MYO9A: variants seen among roughly 807,000 people sequenced by gnomAD.
MYO9A encodes myosin IXA.
A neutral mutation model predicts 293.3 loss-of-function variants in MYO9A; 103 were observed. That is an observed-to-expected ratio of 0.35 (90% CI 0.30 to 0.41). The LOEUF is 0.41. Among genes scored for constraint, MYO9A ranks in the 10% least tolerant of loss-of-function variants. MYO9A has a pLI of 1.00. For synonymous variants in MYO9A, 1,001 were observed against 1,035.7 expected (o/e 0.97, Z 0.64); for missense variants, 2,685 against 3,033.0 (o/e 0.89, Z 2.69).
chr15:71,839,620 G>A (rs371118358), intron 39 of MYO9A, among the ~76,000 whole-genome samples: 227 of 152,104 alleles, frequency 1.5e-3, no homozygotes, highest in African/African-American at 4.8e-3. Context: ...TTGTTGCCAC[G>A]GCTGGTCTGA....
chr15:71,916,033 G>A (rs1417612397), intron 19 of MYO9A, among the ~76,000 whole-genome samples: 2 of 151,826 alleles, frequency 1.3e-5, no homozygotes, highest in Non-Finnish European at 2.9e-5. Context: ...GTTTAAGCAG[G>A]GAAAAAAACA....
At position 71,887,988 on chromosome 15, in the gene MYO9A, C is replaced by T. The variant is rs538452531; in HGVS notation, c.5255+16G>A. On this transcript the variant is annotated intron_variant, in intron 27 of 41. Coordinates refer to ENST00000356056, the MANE Select transcript of MYO9A (RefSeq NM_006901.4). Reference sequence around the variant, plus strand: ...AAAATTATATAACCCCTGTTAACTCCGTGTATACTTTATACCTTATATCTG... The same window carrying T: ...AAAATTATATAACCCCTGTTAACTCTGTGTATACTTTATACCTTATATCTG... 2.4e-4 allele frequency: 340 copies of T among 1,399,838 alleles called. 1 individual carries two copies. The highest frequency in any genetic ancestry group is 5.3e-4 in the Admixed American group (28 of 53,090). 86.7% of individuals were successfully genotyped at this position (1,399,838 alleles called of 1,614,324 possible). A position where few individuals can be genotyped will look rare whatever the true frequency, so the allele number is the denominator to read the frequency against.
intron 1 of MYO9A, among the ~76,000 whole-genome samples, chr15:72,089,030 A>G (rs997513550): frequency 2.0e-5 from 3 of 152,254 alleles, no homozygotes; most frequent in African/African-American, 7.2e-5. Flanking sequence ...TATGAACTCA[A>G]TCAAGAATAA....
chr15:72,021,098 GTAAT>G, intron 4 of MYO9A, 81 bp from the exon 5 acceptor site: 1 of 807,732 alleles, frequency 1.2e-6, no homozygotes, highest in Non-Finnish European at 1.9e-6. Flanking sequence ...GAAGCAAACA[GTAAT>G]TAGTAAAATG....
In MYO9A at chr15:71,898,395, G is replaced by A. The variant is rs747290915; in HGVS notation, c.4108C>T (p.Arg1370Trp). 28 of 1,613,384 alleles carry A rather than the reference G, an allele frequency of 1.7e-5. No homozygotes were observed. Among genetic ancestry groups the A allele is most frequent in the Admixed American group, 1.7e-4 (10 of 59,982 alleles). ...TTTGAGGCACTGAGGGCATTGTCCC[G>A]TGAATCAAATTTTGGACTGCTGGAT... ...KISSSPKFDS[R>W]DNALSASNET... Residue 1370 changes from arginine to tryptophan, a missense_variant, in exon 25 of 42, where the codon CGG (arginine) becomes TGG (tryptophan). By Grantham distance (101) the Arg-to-Trp change is moderately radical. Transcript: ENST00000356056.
rs2054442504 is a variant in MYO9A, at chr15:71,825,483, A to C, written c.*1097T>G. 1 of 152,234 alleles carries C rather than the reference A, an allele frequency of 6.6e-6. No individual in the cohort carries two copies. Among genetic ancestry groups the C allele is most frequent in the Non-Finnish European group, 1.5e-5 (1 of 68,036 alleles). The allele number at this position is 152,234 out of a possible 1,614,324, so 9.4% of individuals were successfully genotyped here. A position where few individuals can be genotyped will look rare whatever the true frequency, so the allele number is the denominator to read the frequency against. On this transcript the variant is annotated 3_prime_UTR_variant, in exon 42 of 42. Coordinates refer to ENST00000356056, the MANE Select transcript of MYO9A (RefSeq NM_006901.4). ...GAGAAAAGGAAGATAAAAGTTAGTT[A>C]GTTAGATAGGTCATATTAAAAACCT...
At chr15:72,070,814 T>G (rs960233526) in intron 1 of MYO9A, among the ~76,000 whole-genome samples, 2 of 152,230 alleles carry the variant, frequency 1.3e-5, no homozygotes, top group African/African-American at 4.8e-5. Context: ...GATGACACCC[T>G]ATTCAATAAA....
intron 18 of MYO9A, among the ~76,000 whole-genome samples, chr15:71,930,077 T>C (rs1307808103): frequency 6.6e-6 from 1 of 152,194 alleles, no homozygotes; most frequent in Non-Finnish European, 1.5e-5. Flanking sequence ...GCTAATCTTT[T>C]ATGAAAGAAT....
chr15:71,959,215 T>C (rs1358425513), intron 14 of MYO9A: 1 of 152,220 alleles, frequency 6.6e-6, no homozygotes, highest in Non-Finnish European at 1.5e-5. Flanking sequence ...AAATGGAAAC[T>C]AGGTTCAATT....
At chr15:71,858,610 G>T (rs1293393859) in intron 34 of MYO9A, 1 of 149,666 alleles carries the variant, frequency 6.7e-6, no homozygotes, top group Non-Finnish European at 1.5e-5. Flanking sequence ...GATCTCTTCT[G>T]ATCTCAGAAG....
At chr15:71,890,857 T>C (rs2057154816) in intron 26 of MYO9A, 1 of 97,390 alleles carries the variant, frequency 1.0e-5, no homozygotes, top group Non-Finnish European at 2.4e-5. Context: ...ATAAAATCAG[T>C]TTGTCCAGAA....
Position 71,823,647 on chromosome 15 carries a change from C to G in MYO9A, c.*2933G>C, listed in dbSNP as rs2054356358. On this transcript the variant is annotated 3_prime_UTR_variant, in exon 42 of 42. Transcript: ENST00000356056. ...TGTGATACAGAATGAAATCACACTT[C>G]TCTGCTTTTGTTACATTTTCCATAA... 1 of 152,224 alleles carries G rather than the reference C, an allele frequency of 6.6e-6. No homozygotes were observed. Among genetic ancestry groups the G allele is most frequent in the South Asian group, 2.1e-4 (1 of 4,832 alleles). 9.4% of individuals were successfully genotyped at this position (152,224 alleles called of 1,614,324 possible).
rs1016008100 is a variant in MYO9A, at chr15:72,022,973, C to T, written c.999-1956G>A. Among the ~76,000 whole-genome samples, 6 of 152,266 alleles carry T rather than the reference C, an allele frequency of 3.9e-5. No individual in the cohort carries two copies. In the East Asian group the frequency reaches 5.8e-4, roughly 15 times the overall value. ...ATAACTGTCCCTGAAAAAACCCAGA[C>T]ATTAGACTTACAAGATTTTAATCAG... is the stretch of plus-strand genomic sequence containing the variant. On this transcript the variant is annotated intron_variant, in intron 4 of 41. Transcript: ENST00000356056.
chr15:71,857,008 CT>C (rs1384190793), intron 34 of MYO9A, among the ~76,000 whole-genome samples: 1 of 152,146 alleles, frequency 6.6e-6, no homozygotes, highest in East Asian at 1.9e-4. Context: ...TAGAATAAGG[CT>C]TGCTGTAATG....
rs761166642 is a variant in MYO9A at position 71,823,269 on chromosome 15, C to T, written c.*3311G>A. On this transcript the variant is annotated 3_prime_UTR_variant, in exon 42 of 42. Coordinates refer to ENST00000356056, the MANE Select transcript of MYO9A (RefSeq NM_006901.4). ...GCCCACAGGCACTGAGGTGGGACTACAGAACCTTGCTGGACCACATCTTTT... is the reference window on the plus strand; with the variant it reads ...GCCCACAGGCACTGAGGTGGGACTATAGAACCTTGCTGGACCACATCTTTT... 1 of 152,266 alleles carries T rather than the reference C, an allele frequency of 6.6e-6. No homozygotes were observed. Among genetic ancestry groups the T allele is most frequent in the African/African-American group, 2.4e-5 (1 of 41,466 alleles). The allele number at this position is 152,266 out of a possible 1,614,324, so 9.4% of individuals were successfully genotyped here. A position where few individuals can be genotyped will look rare whatever the true frequency, so the allele number is the denominator to read the frequency against.
intron 5 of MYO9A, among the ~76,000 whole-genome samples, chr15:72,020,448 A>G (rs113157055): frequency 7.0e-4 from 107 of 152,330 alleles, no homozygotes; most frequent in African/African-American, 1.8e-3. Flanking sequence ...ATTGTTCATT[A>G]AATTATAAAA....
chr15:72,038,077 C>T (rs2149528001), intron 2 of MYO9A, among the ~76,000 whole-genome samples: 1 of 152,182 alleles, frequency 6.6e-6, no homozygotes, highest in South Asian at 2.1e-4. Flanking sequence ...CCAACACATC[C>T]AGCTAATTTT....
intron 1 of MYO9A, among the ~76,000 whole-genome samples, chr15:72,095,778 G>T (rs1432809020): frequency 2.1e-5 from 1 of 47,790 alleles, no homozygotes; most frequent in Non-Finnish European, 1.2e-4. Flanking sequence ...TAGGGCTCTT[G>T]AGAATTAACG....
At chr15:72,089,216 G>A (rs1256429940) in intron 1 of MYO9A, among the ~76,000 whole-genome samples, 1 of 152,148 alleles carries the variant, frequency 6.6e-6, no homozygotes, top group Admixed American at 6.5e-5. Flanking sequence ...AGACTACAGT[G>A]CAATGTCTTG....
Sources: gnomAD v4.1 joint callset for allele counts (sites outside exome capture counted in the v4.1 genomes callset) on GRCh38, gnomAD v4.1.1 for gene constraint, MANE v1.5 for transcripts, NCBI Gene and HGNC (gene_info 2026-07-23, HGNC 2026-07-21) for gene names.